Variants in ARSB observed in about 807,000 individuals in gnomAD.
The protein encoded by ARSB is N-acetylgalactosamine-4-sulfatase.
Under a neutral mutation model 50.9 loss-of-function variants are expected in ARSB, and 41 were observed. The ratio of observed to expected loss-of-function variants is 0.81; its 90% CI spans 0.63 to 1.04. The LOEUF is 1.04. ARSB is among the 50% of genes least tolerant of loss of function. ARSB has a pLI of 0.00. For synonymous variants in ARSB, 269 were observed against 284.8 expected (o/e 0.94, Z 0.56); for missense variants, 672 against 693.3 (o/e 0.97, Z 0.35).
intron 5 of ARSB, among the ~76,000 whole-genome samples, chr5:78,866,418 C>T (rs2112123346): frequency 6.6e-6 from 1 of 152,310 alleles, no homozygotes; most frequent in South Asian, 2.1e-4. Flanking sequence ...CCTGCCACAA[C>T]ACATGGGAAT....
Position 78,885,626 on chromosome 5 carries a change from C to A in ARSB, c.1100G>T (p.Gly367Val), listed in dbSNP as rs1173028847. ...LVKLARGHTN[G>V]TKPLDGFDVW... ...GTCGAAGCCATCCAGAGGCTTTGTG[C>A]CATTGGTGTGTCCCCTGGCCAGCTT... The change falls in exon 5 of 8, where the codon GGC becomes GTC. Residue 367 changes from glycine (G) to valine (V), a missense_variant. Coordinates refer to ENST00000264914, the MANE Select transcript of ARSB (RefSeq NM_000046.5). 5.6e-6 allele frequency: 9 copies of A among 1,613,932 alleles called. No individual in the cohort carries two copies. The highest frequency in any genetic ancestry group is 7.6e-6 in the Non-Finnish European group (9 of 1,180,044).
intron 5 of ARSB, among the ~76,000 whole-genome samples, chr5:78,856,893 T>C (rs1359154171): frequency 6.6e-6 from 1 of 152,206 alleles, no homozygotes; most frequent in African/African-American, 2.4e-5. Flanking sequence ...AGTATAGCAT[T>C]GTCTTTGGGA....
rs571531797 is a variant in ARSB, at chr5:78,954,950, T to C, written c.898+345A>G. On this transcript the variant is annotated intron_variant, in intron 4 of 7. Coordinates refer to ENST00000264914, the MANE Select transcript of ARSB (RefSeq NM_000046.5). ...TTCTAGTTGGTGGGAGTTGTGACCA[T>C]AGAGGATGTCTGGGTTGTAGAGAGA... 6.2e-4 allele frequency among the ~76,000 whole-genome samples: 95 copies of C among 152,298 alleles called. 1 individual carries two copies. The highest frequency in any genetic ancestry group is 2.1e-3 in the African/African-American group (89 of 41,546).
chr5:78,948,407 C>A lies in ARSB; in HGVS notation c.898+6888G>T, dbSNP rs149445920. On this transcript the variant is annotated intron_variant, in intron 4 of 7. Coordinates refer to ENST00000264914, the MANE Select transcript of ARSB (RefSeq NM_000046.5). Reference sequence around the variant, plus strand: ...CTGTATCAAAATATCTCATGTACTCCATAAATATATATTTATACCTACTAT... The same window carrying A: ...CTGTATCAAAATATCTCATGTACTCAATAAATATATATTTATACCTACTAT... Among the ~76,000 whole-genome samples the A allele has an allele frequency of 2.0e-4, 30 of 151,884 alleles. No homozygotes were observed. The East Asian group carries it at 5.4e-3, about 27-fold the overall frequency.
At chr5:78,944,521 G>C (rs1342435382) in intron 4 of ARSB, among the ~76,000 whole-genome samples, 1 of 152,218 alleles carries the variant, frequency 6.6e-6, no homozygotes, top group Non-Finnish European at 1.5e-5. Context: ...CTGCAGGTCT[G>C]TTGGAGTTTG....
At chr5:78,812,592 AACAC>A (rs66597603) in intron 6 of ARSB, among the ~76,000 whole-genome samples, 10,984 of 144,312 alleles carry the variant, frequency 0.076, 557 homozygotes, top group Admixed American at 0.17. Flanking sequence ...ATTCTGTTCA[AACAC>A]ACACACACAC....
At chr5:78,979,377 A>AG (rs1752801342) in intron 1 of ARSB, among the ~76,000 whole-genome samples, 1 of 152,228 alleles carries the variant, frequency 6.6e-6, no homozygotes. Context: ...AAACCCACAT[A>AG]CGTTGCTAGT....
chr5:78,873,513 T>TTTTTTTTTTTTTTA (rs1581076732), intron 5 of ARSB, among the ~76,000 whole-genome samples: 1 of 138,836 alleles, frequency 7.2e-6, no homozygotes, highest in African/African-American at 2.6e-5. Context: ...TTTTTTTTTT[T>TTTTTTTTTTTTTTA]GAGACGGAGT....
chr5:78,949,927 CA>C (rs1296467727), intron 4 of ARSB, among the ~76,000 whole-genome samples: 3 of 151,740 alleles, frequency 2.0e-5, no homozygotes, highest in South Asian at 4.2e-4. Flanking sequence ...ACAAAACAAA[CA>C]AAAAAAAGAG....
chr5:78,813,075 CCTTT>C (rs983268981), intron 6 of ARSB, among the ~76,000 whole-genome samples: 7 of 151,936 alleles, frequency 4.6e-5, no homozygotes, highest in Non-Finnish European at 7.4e-5. Context: ...TTCCTTCCTT[CCTTT>C]CTTTTTTTTT....
chr5:78,856,637 C>G (rs73124636), intron 5 of ARSB, among the ~76,000 whole-genome samples: 3,785 of 152,260 alleles, frequency 0.025, 113 homozygotes, highest in South Asian at 0.11. Context: ...AACAGTGGCC[C>G]TATCAGAACC....
At chr5:78,819,366 T>C (rs992168274) in intron 6 of ARSB, among the ~76,000 whole-genome samples, 3 of 152,248 alleles carry the variant, frequency 2.0e-5, no homozygotes, top group Non-Finnish European at 2.9e-5. Context: ...TGTGAAACAA[T>C]GCAGTTGCTG....
chr5:78,836,241 T>C (rs549111964), intron 6 of ARSB, among the ~76,000 whole-genome samples: 3 of 152,304 alleles, frequency 2.0e-5, no homozygotes, highest in East Asian at 1.9e-4. Context: ...GCCCATGGGA[T>C]TGCCATGTGT....
intron 6 of ARSB, among the ~76,000 whole-genome samples, chr5:78,800,083 C>T (rs191917523): frequency 2.6e-3 from 401 of 152,044 alleles, no homozygotes; most frequent in Non-Finnish European, 4.8e-3. Context: ...TTTGGGAGGC[C>T]GAGGCAGGCA....
chr5:78,984,536 C>T (rs1212806883), intron 1 of ARSB, among the ~76,000 whole-genome samples: 1 of 152,222 alleles, frequency 6.6e-6, no homozygotes, highest in Non-Finnish European at 1.5e-5. Context: ...ACGGCGAGCA[C>T]CCCTTCATTT....
intron 6 of ARSB, among the ~76,000 whole-genome samples, chr5:78,786,236 A>G (rs1416445377): frequency 6.6e-6 from 1 of 152,234 alleles, no homozygotes; most frequent in Non-Finnish European, 1.5e-5. Flanking sequence ...TTATATAAAT[A>G]GGATCAGACA....
chr5:78,895,021 G>T (rs1748498971), intron 4 of ARSB, among the ~76,000 whole-genome samples: 1 of 152,112 alleles, frequency 6.6e-6, no homozygotes, highest in African/African-American at 2.4e-5. Flanking sequence ...CAAGGGCCAG[G>T]ATAAAAAACC....
In ARSB at chr5:78,885,741, C is replaced by T. The variant is rs1747993954; in HGVS notation, c.985G>A (p.Val329Met). Residue 329 changes from valine (V) to methionine (M), a missense_variant, in exon 5 of 8, where the codon GTG becomes ATG. Physicochemically the swap from Val to Met is conservative, Grantham distance 21 (BLOSUM62 1). Coordinates refer to ENST00000264914, the MANE Select transcript of ARSB (RefSeq NM_000046.5). Reference sequence around the variant, plus strand: ...AGCAAGGGGCTTGCCACAAAGCCCACCCCTCGGACGCCTCCTTCCCACAGG... The same window carrying T: ...AGCAAGGGGCTTGCCACAAAGCCCATCCCTCGGACGCCTCCTTCCCACAGG... ...WSLWEGGVRG[V>M]GFVASPLLKQ... is the part of the protein sequence containing the mutation. 3 of 1,614,014 alleles carry T rather than the reference C, an allele frequency of 1.9e-6. No homozygotes were observed. The African/African-American group carries it at 4.0e-5, about 22-fold the overall frequency.
chr5:78,893,751 G>A (rs1748440879), intron 4 of ARSB, among the ~76,000 whole-genome samples: 1 of 152,154 alleles, frequency 6.6e-6, no homozygotes, highest in Non-Finnish European at 1.5e-5. Flanking sequence ...TCACTTAGGA[G>A]GTATGGGTAA....
Sources: gnomAD v4.1 joint callset for allele counts (sites outside exome capture counted in the v4.1 genomes callset) on GRCh38, gnomAD v4.1.1 for gene constraint, MANE v1.5 for transcripts, NCBI Gene and HGNC (gene_info 2026-07-23, HGNC 2026-07-21) for gene names.